Variants in NF2 observed in about 807,000 individuals in gnomAD.
NF2 encodes merlin.
In NF2, 8 loss-of-function variants were observed where a neutral mutation model predicts 83.7. That is an observed-to-expected ratio of 0.10 (90% CI 0.06 to 0.17). The LOEUF (loss-of-function observed/expected upper bound fraction) is 0.17. NF2 is among the 10% of genes least tolerant of loss of function. NF2 has a pLI of 1.00. For synonymous variants in NF2, 266 were observed against 269.6 expected (o/e 0.99, Z 0.13); for missense variants, 533 against 744.4 (o/e 0.72, Z 3.31).
chr22:29,647,194 T>C (rs2066006984), intron 4 of NF2, among the ~76,000 whole-genome samples: 2 of 152,182 alleles, frequency 1.3e-5, no homozygotes, highest in Admixed American at 6.5e-5. Flanking sequence ...GAATGGCATA[T>C]AATTTATGAA....
chr22:29,628,627 C>CT (rs5844863), intron 1 of NF2, among the ~76,000 whole-genome samples: 2,369 of 69,100 alleles, frequency 0.034, 73 homozygotes, highest in African/African-American at 0.082. Flanking sequence ...TTTGTGACAT[C>CT]TTTTTTTTTT....
chr22:29,661,131 G>C (rs2066464943), intron 7 of NF2, 74 bp from the exon 8 acceptor site: 1 of 1,605,266 alleles, frequency 6.2e-7, no homozygotes, highest in Admixed American at 1.7e-5. Flanking sequence ...GTGTGTGCCA[G>C]ATTCTTTGGA....
In NF2 at chr22:29,661,267, T is replaced by C. The variant is rs147665163; in HGVS notation, c.738T>C (p.Pro246=). 1.2e-6 allele frequency: 2 copies of C among 1,614,122 alleles called. No individual in the cohort carries two copies. Among genetic ancestry groups the C allele is most frequent in the African/African-American group, 2.7e-5 (2 of 74,940 alleles). Residue 246 remains proline, a synonymous_variant, in exon 8 of 16, where the codon CCT becomes CCC. Transcript: ENST00000338641. The part of the protein sequence containing the change: ...VDALGLHIYD[P]ENRLTPKISF... Reference sequence around the variant, plus strand: ...CCCTGGGGCTTCACATTTATGACCCTGAGAACAGACTGACCCCCAAGATCT... The same window carrying C: ...CCCTGGGGCTTCACATTTATGACCCCGAGAACAGACTGACCCCCAAGATCT...
intron 8 of NF2, 110 bp from the exon 9 acceptor site, chr22:29,664,880 T>A (rs1381513590): frequency 5.0e-6 from 4 of 799,962 alleles, no homozygotes. Context: ...GGACAAGGCA[T>A]AACTTCATGC....
intron 2 of NF2, among the ~76,000 whole-genome samples, chr22:29,638,256 A>G (rs551370549): frequency 3.9e-5 from 6 of 152,284 alleles, no homozygotes; most frequent in African/African-American, 1.4e-4. Context: ...GTTCCTTGAA[A>G]CAAAGGGTTG....
chr22:29,607,685 A>G (rs2064834747), intron 1 of NF2, among the ~76,000 whole-genome samples: 1 of 152,198 alleles, frequency 6.6e-6, no homozygotes, highest in Non-Finnish European at 1.5e-5. Context: ...CTGTGAGACA[A>G]GGGGCCAAAT....
chr22:29,645,953 G>T (rs920531964), intron 4 of NF2, among the ~76,000 whole-genome samples: 4 of 152,088 alleles, frequency 2.6e-5, no homozygotes, highest in African/African-American at 9.7e-5. Flanking sequence ...GGTAATCTAT[G>T]GCTTAAAGTC....
intron 2 of NF2, among the ~76,000 whole-genome samples, chr22:29,638,756 C>T (rs956083716): frequency 6.6e-6 from 1 of 152,176 alleles, no homozygotes; most frequent in Non-Finnish European, 1.5e-5. Flanking sequence ...AACCTTCCAC[C>T]TACCATAAAG....
At chr22:29,650,042 A>G (rs2066100782) in intron 4 of NF2, among the ~76,000 whole-genome samples, 1 of 152,192 alleles carries the variant, frequency 6.6e-6, no homozygotes, top group Non-Finnish European at 1.5e-5. Flanking sequence ...AAAATTAAAA[A>G]TAAATATAAC....
intron 6 of NF2, 105 bp from the exon 7 acceptor site, chr22:29,658,084 G>A (rs962378997): frequency 4.0e-6 from 4 of 997,880 alleles, no homozygotes; most frequent in East Asian, 2.4e-5. Flanking sequence ...TGGCAGCGAC[G>A]TGGCTCTAGA....
At chr22:29,674,720 T>C in intron 12 of NF2, 116 bp from the exon 13 acceptor site, 1 of 826,190 alleles carries the variant, frequency 1.2e-6, no homozygotes, top group Non-Finnish European at 2.1e-6. Flanking sequence ...CTTTTTCACC[T>C]CTTTGGGTGC....
rs79769966 is a variant in NF2, at chr22:29,684,124, C to T, written c.1737+2523C>T. 687 of 180,498 alleles carry T rather than the reference C, an allele frequency of 3.8e-3. 6 individuals carry two copies. Among genetic ancestry groups the T allele is most frequent in the African/African-American group, 0.015 (646 of 42,308 alleles). 11.2% of individuals were successfully genotyped at this position (180,498 alleles called of 1,614,324 possible). On this transcript the variant is annotated intron_variant, in intron 15 of 15. Coordinates refer to ENST00000338641, the MANE Select transcript of NF2 (RefSeq NM_000268.4). ...ATCAAGAGAGGTCAGCTGTTAAAGT[C>T]CCTGATAGATCTTATTAAAAGGTAC...
At position 29,694,854 on chromosome 22, in the gene NF2, C is replaced by A. The variant is rs370016332; in HGVS notation, c.*52C>A. 2.9e-4 allele frequency: 453 copies of A among 1,572,496 alleles called. No individual in the cohort carries two copies. The African/African-American group carries it at 5.4e-3, about 19-fold the overall frequency. On this transcript the variant is annotated 3_prime_UTR_variant, in exon 16 of 16. Transcript: ENST00000338641. The surrounding 1 kb of genome is among the most constrained non-coding windows in gnomAD (Gnocchi z 4.1). ...GCCACTTCTCCTGCTACCGGGACCG[C>A]GGGATGGACCAGATATCAAGAGAGC...
chr22:29,645,411 A>G (rs150861203), intron 4 of NF2, among the ~76,000 whole-genome samples: 4 of 152,358 alleles, frequency 2.6e-5, no homozygotes, highest in African/African-American at 4.8e-5. Context: ...TGTGCCTCCA[A>G]TATTCTACTT....
At chr22:29,642,739 G>C (rs1025900587) in intron 4 of NF2, among the ~76,000 whole-genome samples, 1 of 151,814 alleles carries the variant, frequency 6.6e-6, no homozygotes, top group East Asian at 1.9e-4. Flanking sequence ...ATGGCCTTTA[G>C]GTCAGAAAGG....
chr22:29,618,760 A>G (rs927994006), intron 1 of NF2, among the ~76,000 whole-genome samples: 2 of 152,250 alleles, frequency 1.3e-5, no homozygotes, highest in African/African-American at 4.8e-5. Flanking sequence ...ATGTTTTCAC[A>G]TACCTAAGTG....
chr22:29,674,419 T>C (rs2147089474), intron 12 of NF2, among the ~76,000 whole-genome samples: 3 of 152,342 alleles, frequency 2.0e-5, no homozygotes, highest in Middle Eastern at 6.8e-3. Context: ...ATCCGGGGGC[T>C]GTGAAGACGC....
intron 15 of NF2, among the ~76,000 whole-genome samples, chr22:29,684,421 C>T (rs1173663353): frequency 1.3e-5 from 2 of 152,210 alleles, no homozygotes; most frequent in Non-Finnish European, 2.9e-5. Flanking sequence ...CGCTGCATTT[C>T]AGCCAGTGCT....
chr22:29,691,568 G>A (rs1226083020), intron 15 of NF2, among the ~76,000 whole-genome samples: 1 of 152,222 alleles, frequency 6.6e-6, no homozygotes, highest in Non-Finnish European at 1.5e-5. Flanking sequence ...TTTATGAAGG[G>A]CTAGCTTTTT....
Sources: gnomAD v4.1 joint callset for allele counts (sites outside exome capture counted in the v4.1 genomes callset) on GRCh38, gnomAD v4.1.1 for gene constraint, Gnocchi (gnomAD v3.1) non-coding constraint, MANE v1.5 for transcripts, NCBI Gene and HGNC (gene_info 2026-07-23, HGNC 2026-07-21) for gene names.